Variants in XKR5 observed in about 807,000 individuals in gnomAD.
The protein encoded by XKR5 is XK-related protein 5.
Under a neutral mutation model 40.8 loss-of-function variants are expected in XKR5, and 46 were observed. The ratio of observed to expected loss-of-function variants is 1.13; its 90% CI spans 0.89 to 1.44. The LOEUF is 1.44. Ranked by LOEUF, XKR5 falls within the 40% of genes most tolerant of loss-of-function variation. XKR5 has a pLI of 0.00. For synonymous variants in XKR5, 466 were observed against 356.1 expected (o/e 1.31, Z -3.48); for missense variants, 1,169 against 844.7 (o/e 1.38, Z -4.76).
intron 6 of XKR5, 148 bp from the exon 7 acceptor site, chr8:6,812,487 T>C (rs529484728): frequency 1.3e-6 from 1 of 784,760 alleles, no homozygotes; most frequent in East Asian, 2.7e-5. Context: ...CAGAACTGGA[T>C]ATTTCGGGGG....
At chr8:6,825,725 C>T (rs138108479) in intron 2 of XKR5, among the ~76,000 whole-genome samples, 7 of 152,210 alleles carry the variant, frequency 4.6e-5, no homozygotes, top group East Asian at 1.9e-4. Context: ...ATTCATTTAT[C>T]GACAGATGTC....
At chr8:6,826,250 TTA>T (rs1471721057) in intron 2 of XKR5, among the ~76,000 whole-genome samples, 1 of 152,038 alleles carries the variant, frequency 6.6e-6, no homozygotes, top group African/African-American at 2.4e-5. Context: ...GTGTGTATGT[TTA>T]TATATGTGTG....
rs1803763268 is a variant in XKR5, at chr8:6,812,277, C to G, written c.982G>C (p.Gly328Arg). The stretch of plus-strand genomic sequence containing the variant: ...ATGCCACAGGACTTCCTTAGGCAGC[C>G]CTGCCAGATGTCTGTGGATTTTGGA... Reference protein sequence around the residue: ...LHPKSTDIWQGCLRKSCGIAG... With the variant: ...LHPKSTDIWQRCLRKSCGIAG... Residue 328 changes from glycine to arginine, a missense_variant, in exon 7 of 7, where the codon GGC (glycine) becomes CGC (arginine). Physicochemically the swap from Gly to Arg is moderately radical, Grantham distance 125. Coordinates refer to ENST00000618742, the MANE Select transcript of XKR5 (RefSeq NM_207411.5). 6.4e-7 allele frequency: 1 copy of G among 1,554,308 alleles called. No individual in the cohort carries two copies. The highest frequency in any genetic ancestry group is 8.7e-7 in the Non-Finnish European group (1 of 1,147,902).
chr8:6,827,421 C>G (rs1804558307), intron 2 of XKR5, among the ~76,000 whole-genome samples: 1 of 152,304 alleles, frequency 6.6e-6, no homozygotes, highest in Non-Finnish European at 1.5e-5. Context: ...ACAAGCTGGA[C>G]CCTGATGGGT....
intron 2 of XKR5, among the ~76,000 whole-genome samples, chr8:6,831,887 T>C (rs1341373164): frequency 6.6e-6 from 1 of 151,946 alleles, no homozygotes; most frequent in Non-Finnish European, 1.5e-5. Flanking sequence ...TGGTGGCACG[T>C]GCCTGTAGTC....
chr8:6,823,234 A>G (rs1344850801), intron 4 of XKR5, among the ~76,000 whole-genome samples: 2 of 152,222 alleles, frequency 1.3e-5, no homozygotes, highest in African/African-American at 2.4e-5. Context: ...ATACAGCAGA[A>G]GCAATGCTGA....
At chr8:6,818,934 C>T (rs911936272) in intron 5 of XKR5, among the ~76,000 whole-genome samples, 5 of 152,154 alleles carry the variant, frequency 3.3e-5, no homozygotes, top group Non-Finnish European at 5.9e-5. Context: ...CCCAGTGACT[C>T]GGGAGGCTGA....
chr8:6,811,618 A>G lies in XKR5; in HGVS notation c.1641T>C (p.Thr547=). The change falls in exon 7 of 7, where the codon ACT becomes ACC. Residue 547 remains threonine (T), a synonymous_variant. Coordinates refer to ENST00000618742, the MANE Select transcript of XKR5 (RefSeq NM_207411.5). Reference sequence around the variant, plus strand: ...GTTGTGAGGATGTGGCCACTTCTGCAGTGGCGCTGAAGTACAACGTGGAAC... The same window carrying G: ...GTTGTGAGGATGTGGCCACTTCTGCGGTGGCGCTGAAGTACAACGTGGAAC... The part of the protein sequence containing the change: ...QQSSTLYFSA[T]AEVATSSQQE... The G allele has an allele frequency of 6.5e-7, 1 of 1,537,466 alleles. No homozygotes were observed. Among genetic ancestry groups the G allele is most frequent in the South Asian group, 1.2e-5 (1 of 84,064 alleles).
Position 6,810,044 on chromosome 8 carries a change from T to C in XKR5, c.*1154A>G, listed in dbSNP as rs368113392. Reference sequence around the variant, plus strand: ...GAGAGGATTGCTTAAGCCCTGGAGGTTGAGGCTGCAGTGAGCCATGATCAT... The same window carrying C: ...GAGAGGATTGCTTAAGCCCTGGAGGCTGAGGCTGCAGTGAGCCATGATCAT... On this transcript the variant is annotated 3_prime_UTR_variant, in exon 7 of 7. Coordinates refer to ENST00000618742, the MANE Select transcript of XKR5 (RefSeq NM_207411.5). 8.5e-5 allele frequency: 13 copies of C among 152,298 alleles called. No individual in the cohort carries two copies. Among genetic ancestry groups the C allele is most frequent in the African/African-American group, 3.1e-4 (13 of 41,530 alleles). The allele number at this position is 152,298 out of a possible 1,614,324, so 9.4% of individuals were successfully genotyped here.
intron 5 of XKR5, among the ~76,000 whole-genome samples, 167 bp from the exon 6 acceptor site, chr8:6,816,085 C>G (rs1056811456): frequency 6.6e-6 from 1 of 152,064 alleles, no homozygotes; most frequent in Non-Finnish European, 1.5e-5. Flanking sequence ...CCACTGAGAC[C>G]TTCTCTGGCA....
intron 5 of XKR5, 108 bp downstream of exon 5, chr8:6,821,761 G>T: frequency 1.1e-6 from 1 of 912,928 alleles, no homozygotes; most frequent in Non-Finnish European, 1.6e-6. Context: ...CTTTTCAATA[G>T]ATAGGTGTGC....
At position 6,825,297 on chromosome 8, in the gene XKR5, G is replaced by T. The variant is rs550304759; in HGVS notation, c.295C>A (p.Arg99=). The T allele has an allele frequency of 6.2e-7, 1 of 1,608,628 alleles. No individual in the cohort carries two copies. The highest frequency in any genetic ancestry group is 8.5e-7 in the Non-Finnish European group (1 of 1,177,990). The part of the protein sequence containing the change: ...SLQKELEAPH[R]GWLQLQEADL... ...GCCTCCTGCAGCTGCAGCCAGCCTC[G>T]GTGGGGAGCCTCCAGTTCCTTCTGC... Residue 99 remains arginine, a synonymous_variant, in exon 3 of 7, where the codon CGA becomes AGA. Coordinates refer to ENST00000618742, the MANE Select transcript of XKR5 (RefSeq NM_207411.5).
chr8:6,822,991 G>A (rs1330693154), intron 4 of XKR5, among the ~76,000 whole-genome samples: 2 of 152,202 alleles, frequency 1.3e-5, no homozygotes, highest in Non-Finnish European at 2.9e-5. Flanking sequence ...TTCAGTGACA[G>A]TTTTTCTACA....
intron 2 of XKR5, among the ~76,000 whole-genome samples, chr8:6,828,153 C>A (rs534029598): frequency 6.6e-6 from 1 of 152,044 alleles, no homozygotes; most frequent in South Asian, 2.1e-4. Flanking sequence ...CATACAAATG[C>A]GAAAAGCTTC....
chr8:6,826,706 T>G lies in XKR5; in HGVS notation c.243-1357A>C, dbSNP rs559224423. ...GGATGACCAGTTGTGGTTGAGGGAC[T>G]GGAAGTGGCCAGAAGAGACTGTGTG... On this transcript the variant is annotated intron_variant, in intron 2 of 6. Coordinates refer to ENST00000618742, the MANE Select transcript of XKR5 (RefSeq NM_207411.5). Among the ~76,000 whole-genome samples, 3 of 152,186 alleles carry G rather than the reference T, an allele frequency of 2.0e-5. No homozygotes were observed. The East Asian group carries it at 5.8e-4, about 29-fold the overall frequency.
At chr8:6,819,336 G>A (rs1804118219) in intron 5 of XKR5, among the ~76,000 whole-genome samples, 1 of 152,218 alleles carries the variant, frequency 6.6e-6, no homozygotes, top group Non-Finnish European at 1.5e-5. Flanking sequence ...TGGCAGCACG[G>A]GTCTGTGCCA....
At chr8:6,831,189 C>T (rs188214925) in intron 2 of XKR5, among the ~76,000 whole-genome samples, 148 of 152,240 alleles carry the variant, frequency 9.7e-4, no homozygotes, top group African/African-American at 3.4e-3. Flanking sequence ...TGGGCTGGGC[C>T]GATCAGGGAA....
chr8:6,813,760 C>T (rs570940370), intron 6 of XKR5, among the ~76,000 whole-genome samples: 39 of 152,302 alleles, frequency 2.6e-4, no homozygotes, highest in African/African-American at 9.1e-4. Flanking sequence ...ACTCCCTACT[C>T]ACTGCCCTCC....
At chr8:6,818,160 C>T (rs1016943222) in intron 5 of XKR5, among the ~76,000 whole-genome samples, 2 of 152,150 alleles carry the variant, frequency 1.3e-5, no homozygotes, top group Non-Finnish European at 2.9e-5. Flanking sequence ...TTTTTTCCCT[C>T]GGACGCTGTG....
Sources: gnomAD v4.1 joint callset for allele counts (sites outside exome capture counted in the v4.1 genomes callset) on GRCh38, gnomAD v4.1.1 for gene constraint, MANE v1.5 for transcripts, NCBI Gene and HGNC (gene_info 2026-07-23, HGNC 2026-07-21) for gene names.